Variants in HLCS observed in about 807,000 individuals in gnomAD.
HLCS encodes biotin--protein ligase.
A neutral mutation model predicts 75.0 loss-of-function variants in HLCS; 53 were observed. That is an observed-to-expected ratio of 0.71 (90% CI 0.57 to 0.89). HLCS has a LOEUF of 0.89. HLCS is among the 40% of genes least tolerant of loss of function. The probability of loss-of-function intolerance (pLI) is 0.00; values close to 1 mark genes in which losing one functional copy is unlikely to be tolerated. For synonymous variants in HLCS, 431 were observed against 428.6 expected (o/e 1.01, Z -0.07); for missense variants, 966 against 1,074.0 (o/e 0.90, Z 1.41).
At chr21:36,986,322 A>C (rs1394677334) in intron 1 of HLCS, among the ~76,000 whole-genome samples, 1 of 152,210 alleles carries the variant, frequency 6.6e-6, no homozygotes, top group Non-Finnish European at 1.5e-5. Flanking sequence ...ACCCAGTCTC[A>C]GGTATTCTGT....
chr21:36,875,971 C>A (rs1222761605), intron 6 of HLCS, among the ~76,000 whole-genome samples: 1 of 151,710 alleles, frequency 6.6e-6, no homozygotes, highest in Admixed American at 6.6e-5. Context: ...TGTCTAGGTG[C>A]TGGTGCCTGC....
intron 5 of HLCS, among the ~76,000 whole-genome samples, chr21:36,929,797 T>G (rs1247887701): frequency 2.0e-5 from 3 of 152,172 alleles, no homozygotes; most frequent in Non-Finnish European, 4.4e-5. Context: ...CCGAACACAT[T>G]CCCAGCTCCG....
chr21:36,879,635 T>A (rs1446593290), intron 6 of HLCS, among the ~76,000 whole-genome samples: 1 of 152,082 alleles, frequency 6.6e-6, no homozygotes, highest in Non-Finnish European at 1.5e-5. Context: ...TGCCTCAAGT[T>A]ATAAGAGCTC....
At chr21:36,930,741 A>G (rs2146495232) in intron 4 of HLCS, among the ~76,000 whole-genome samples, 1 of 152,324 alleles carries the variant, frequency 6.6e-6, no homozygotes, top group South Asian at 2.1e-4. Flanking sequence ...GACACAGTAT[A>G]ACCCACAAGA....
chr21:36,965,158 C>A (rs1390139683), intron 1 of HLCS, among the ~76,000 whole-genome samples: 10 of 152,144 alleles, frequency 6.6e-5, no homozygotes, highest in African/African-American at 2.4e-4. Context: ...AATTTCAACC[C>A]ATATCTAAGC....
intron 6 of HLCS, among the ~76,000 whole-genome samples, chr21:36,826,672 A>G (rs965068967): frequency 3.3e-5 from 5 of 152,242 alleles, no homozygotes; most frequent in African/African-American, 1.2e-4. Flanking sequence ...ATGGCTGTAT[A>G]TATGAAGTTA....
At chr21:36,764,346 G>A (rs1467054020) in intron 8 of HLCS, among the ~76,000 whole-genome samples, 2 of 152,214 alleles carry the variant, frequency 1.3e-5, no homozygotes, top group African/African-American at 2.4e-5. Context: ...GCAGTGAGCC[G>A]AGATGGCGCC....
intron 5 of HLCS, among the ~76,000 whole-genome samples, chr21:36,901,382 A>C (rs1360575973): frequency 6.6e-6 from 1 of 152,242 alleles, no homozygotes; most frequent in Non-Finnish European, 1.5e-5. Flanking sequence ...GTGATCATTT[A>C]AAGCCAAGAA....
chr21:36,916,518 ATTTT>A (rs57613865), intron 5 of HLCS, among the ~76,000 whole-genome samples: 98 of 93,042 alleles, frequency 1.1e-3, no homozygotes, highest in African/African-American at 2.6e-3. Flanking sequence ...TGCCTAGCTA[ATTTT>A]TTTTTTTTTT....
intron 5 of HLCS, among the ~76,000 whole-genome samples, chr21:36,908,889 C>T (rs6517391): frequency 0.33 from 49,700 of 152,040 alleles, 8,407 homozygotes; most frequent in Middle Eastern, 0.46. Context: ...GGTGGATGAG[C>T]GCATGAGAAC....
At chr21:36,830,239 T>C (rs1406777403) in intron 6 of HLCS, among the ~76,000 whole-genome samples, 2 of 152,174 alleles carry the variant, frequency 1.3e-5, no homozygotes, top group South Asian at 2.1e-4. Flanking sequence ...CCTGGACTTC[T>C]GGCCTTCAGA....
intron 6 of HLCS, among the ~76,000 whole-genome samples, chr21:36,817,996 G>A (rs557330456): frequency 2.0e-5 from 3 of 152,162 alleles, no homozygotes; most frequent in Non-Finnish European, 4.4e-5. Flanking sequence ...ATTTTCTGAG[G>A]CTGCACTGCT....
intron 6 of HLCS, among the ~76,000 whole-genome samples, chr21:36,812,854 T>C (rs1339071779): frequency 6.6e-6 from 1 of 152,130 alleles, no homozygotes; most frequent in Non-Finnish European, 1.5e-5. Flanking sequence ...AGTCCAGGAT[T>C]TCAAGACCAA....
At chr21:36,930,079 C>T (rs1444233999) in intron 5 of HLCS, among the ~76,000 whole-genome samples, 172 bp downstream of exon 5, 1 of 152,226 alleles carries the variant, frequency 6.6e-6, no homozygotes, top group Non-Finnish European at 1.5e-5. Context: ...TATATATAAT[C>T]CTCCCCCAAC....
chr21:36,765,169 C>A lies in HLCS; in HGVS notation c.1964G>T (p.Arg655Leu). The A allele has an allele frequency of 6.2e-7, 1 of 1,614,188 alleles. No individual in the cohort carries two copies. Among genetic ancestry groups the A allele is most frequent in the Non-Finnish European group, 8.5e-7 (1 of 1,180,028 alleles). Residue 655 changes from arginine (R) to leucine (L), a missense_variant, in exon 8 of 11, where the codon CGG becomes CTG. Physicochemically the swap from Arg to Leu is moderately radical, Grantham distance 102 (BLOSUM62 -2). Transcript: ENST00000674895. Reference sequence around the variant, plus strand: ...AGGGCTCAGCCACACATTCCCTCCCCGTCCTGGAACACAGGCCACAGTGGG... The same window carrying A: ...AGGGCTCAGCCACACATTCCCTCCCAGTCCTGGAACACAGGCCACAGTGGG... ...IAARQTEGKGRGGNVWLSPVG... is the reference protein window; with the variant it reads ...IAARQTEGKGLGGNVWLSPVG...
At chr21:36,903,115 T>G (rs904927285) in intron 5 of HLCS, among the ~76,000 whole-genome samples, 1 of 152,156 alleles carries the variant, frequency 6.6e-6, no homozygotes, top group African/African-American at 2.4e-5. Flanking sequence ...GAAAAGTTGT[T>G]GGAAGAGGTC....
intron 5 of HLCS, among the ~76,000 whole-genome samples, chr21:36,906,647 C>G (rs190857975): frequency 6.9e-6 from 1 of 144,766 alleles, no homozygotes; most frequent in African/African-American, 2.5e-5. Flanking sequence ...TCTATGGGTT[C>G]AATGTAATCC....
At chr21:36,932,224 T>C (rs2066679792) in intron 4 of HLCS, among the ~76,000 whole-genome samples, 2 of 152,260 alleles carry the variant, frequency 1.3e-5, no homozygotes, top group South Asian at 4.1e-4. Flanking sequence ...TTTCAGTGTT[T>C]TGGCCTTTAT....
chr21:36,949,812 C>A (rs2067586949), intron 2 of HLCS, among the ~76,000 whole-genome samples: 1 of 152,234 alleles, frequency 6.6e-6, no homozygotes, highest in Non-Finnish European at 1.5e-5. Flanking sequence ...AGCGAACCTG[C>A]TGAGCATGAG....
Sources: allele counts gnomAD v4.1 joint callset (sites outside exome capture counted in the v4.1 genomes callset), GRCh38; gene constraint gnomAD v4.1.1; transcripts MANE v1.5; gene names NCBI Gene and HGNC (gene_info 2026-07-23, HGNC 2026-07-21).